The following HSD17B2 variants were observed in gnomAD, a reference collection of about 807,000 sequenced individuals.
The protein encoded by HSD17B2 is hydroxysteroid 17-beta dehydrogenase 2.
A neutral mutation model predicts 26.9 loss-of-function variants in HSD17B2; 32 were observed. That is an observed-to-expected ratio of 1.19 (90% CI 0.90 to 1.60). The LOEUF (loss-of-function observed/expected upper bound fraction) is 1.60, where lower values mean the gene tolerates loss of function less well. Among genes scored for constraint, HSD17B2 ranks in the 40% most tolerant of loss-of-function variants. The pLI is 0.00. For missense variants in HSD17B2, 613 were observed against 468.6 expected (o/e 1.31, Z -2.85); for synonymous variants, 246 against 186.7 (o/e 1.32, Z -2.59).
At chr16:82,086,623 T>C (rs1904534565) in intron 3 of HSD17B2, among the ~76,000 whole-genome samples, 1 of 152,210 alleles carries the variant, frequency 6.6e-6, no homozygotes, top group African/African-American at 2.4e-5. Flanking sequence ...TGATTTTTCG[T>C]GCCTATGCTA....
chr16:82,060,381 T>A lies in HSD17B2; in HGVS notation c.266-7789T>A, dbSNP rs8191110. Among the ~76,000 whole-genome samples, 317 of 152,244 alleles carry A rather than the reference T, an allele frequency of 2.1e-3. 2 individuals are homozygous for A. Among genetic ancestry groups the A allele is most frequent in the African/African-American group, 6.6e-3 (276 of 41,554 alleles). ...CTGGTGATGGGAATGTGTGTGTGTG[T>A]GAGAGCTCTTGATCAGTGAACCTTG... On this transcript the variant is annotated intron_variant, in intron 1 of 4. Coordinates refer to ENST00000199936, the MANE Select transcript of HSD17B2 (RefSeq NM_002153.3).
chr16:82,076,329 C>T (rs145200116), intron 3 of HSD17B2, among the ~76,000 whole-genome samples: 8 of 152,238 alleles, frequency 5.3e-5, no homozygotes, highest in South Asian at 2.1e-4. Flanking sequence ...ATCTAGAACA[C>T]GACAAGGATG....
intron 3 of HSD17B2, among the ~76,000 whole-genome samples, chr16:82,073,212 TTTATTA>T (rs937047346): frequency 2.6e-5 from 4 of 152,004 alleles, no homozygotes; most frequent in African/African-American, 7.2e-5. Flanking sequence ...ATCTCACTCT[TTTATTA>T]TTATTATTAT....
At position 82,090,875 on chromosome 16, in the gene HSD17B2, C is replaced by T. The variant is rs770142705; in HGVS notation, c.665-27C>T. 3.8e-6 allele frequency: 6 copies of T among 1,582,946 alleles called. No homozygotes were observed. The East Asian group carries it at 1.1e-4, about 30-fold the overall frequency. ...GAACAAATGAACATTTCTAACTTTG[C>T]TTCTTTTTCTCCCATTATTCCCATA... On this transcript the variant is annotated intron_variant, in intron 3 of 4. Coordinates refer to ENST00000199936, the MANE Select transcript of HSD17B2 (RefSeq NM_002153.3).
chr16:82,091,082 G>T (rs181638377), intron 4 of HSD17B2, 43 bp downstream of exon 4: 39 of 1,605,442 alleles, frequency 2.4e-5, no homozygotes, highest in Non-Finnish European at 3.2e-5. Context: ...CATCCTGGAA[G>T]GAACCCCGAA....
At chr16:82,055,185 C>G (rs948050126) in intron 1 of HSD17B2, among the ~76,000 whole-genome samples, 1 of 152,208 alleles carries the variant, frequency 6.6e-6, no homozygotes, top group Non-Finnish European at 1.5e-5. Context: ...CTTTTATTCT[C>G]TTTGATTGTT....
At chr16:82,047,130 A>G (rs1312241018) in intron 1 of HSD17B2, among the ~76,000 whole-genome samples, 1 of 152,236 alleles carries the variant, frequency 6.6e-6, no homozygotes, top group African/African-American at 2.4e-5. Context: ...AACAGCCAGG[A>G]ACTTCCTGAT....
intron 1 of HSD17B2, among the ~76,000 whole-genome samples, chr16:82,045,258 G>T (rs1913889894): frequency 6.6e-6 from 1 of 152,098 alleles, no homozygotes; most frequent in African/African-American, 2.4e-5. Context: ...CTTAAATGGG[G>T]TCAGCACTGG....
At position 82,095,681 on chromosome 16, in the gene HSD17B2, C is replaced by G. The variant is rs72547418; in HGVS notation, c.803-2394C>G. On this transcript the variant is annotated intron_variant, in intron 4 of 4. Transcript: ENST00000199936. ...AAACCTATAGGAACAACTGGAAGGT[C>G]ATTGGATAGGGAAGTGATTGGCTAA... The G allele has an allele frequency of 4.6e-5, 7 of 152,292 alleles. No individual in the cohort carries two copies. In the East Asian group the frequency reaches 1.2e-3, roughly 25 times the overall value. The allele number at this position is 152,292 out of a possible 1,614,324, so 9.4% of individuals were successfully genotyped here.
intron 3 of HSD17B2, among the ~76,000 whole-genome samples, chr16:82,078,936 C>T (rs748916091): frequency 6.6e-5 from 10 of 151,978 alleles, no homozygotes; most frequent in Non-Finnish European, 1.2e-4. Context: ...AAAAATAGAA[C>T]GAATGAATAA....
intron 3 of HSD17B2, among the ~76,000 whole-genome samples, chr16:82,087,347 C>A (rs1304548592): frequency 1.3e-5 from 2 of 152,160 alleles, no homozygotes; most frequent in Admixed American, 1.3e-4. Flanking sequence ...TGTAACTGGA[C>A]AGACAATGAA....
chr16:82,093,538 C>G (rs1231966831), intron 4 of HSD17B2: 1 of 152,202 alleles, frequency 6.6e-6, no homozygotes, highest in Admixed American at 6.5e-5. Flanking sequence ...CAAGTATGAA[C>G]AATGCAGCTA....
rs1904916134 is a variant in HSD17B2, at chr16:82,098,285, A to G, written c.1013A>G (p.Tyr338Cys). The G allele has an allele frequency of 6.2e-7, 1 of 1,614,218 alleles. No homozygotes were observed. Among genetic ancestry groups the G allele is most frequent in the East Asian group, 2.2e-5 (1 of 44,882 alleles). ...TTGGCGAAGAGCCCTTTTGCCTATT[A>G]CACGCCAGGGAAAGGCGCTTACTTG... ...AILAKSPFAY[Y>C]TPGKGAYLWI... The change falls in exon 5 of 5, where the codon TAC becomes TGC. Residue 338 changes from tyrosine (Y) to cysteine (C), a missense_variant. By Grantham distance (194) the Tyr-to-Cys change is radical. Transcript: ENST00000199936.
At chr16:82,041,206 CT>C (rs1311032568) in intron 1 of HSD17B2, among the ~76,000 whole-genome samples, 2 of 152,190 alleles carry the variant, frequency 1.3e-5, no homozygotes, top group African/African-American at 4.8e-5. Flanking sequence ...GACCATGTGC[CT>C]CTTCTCAGTC....
chr16:82,051,397 T>A (rs1051964526), intron 1 of HSD17B2, among the ~76,000 whole-genome samples: 1 of 152,120 alleles, frequency 6.6e-6, no homozygotes, highest in Non-Finnish European at 1.5e-5. Flanking sequence ...TAAAAAGGAA[T>A]GAGATAATGC....
intron 3 of HSD17B2, among the ~76,000 whole-genome samples, chr16:82,073,820 T>C (rs1914752537): frequency 6.6e-6 from 1 of 152,132 alleles, no homozygotes; most frequent in Non-Finnish European, 1.5e-5. Context: ...TAAACTACCA[T>C]TGAGGTTCTT....
chr16:82,078,297 T>C (rs560093101), intron 3 of HSD17B2, among the ~76,000 whole-genome samples: 35 of 152,266 alleles, frequency 2.3e-4, no homozygotes, highest in African/African-American at 3.6e-4. Context: ...CTCAATATCA[T>C]TGATCATCAG....
intron 1 of HSD17B2, among the ~76,000 whole-genome samples, chr16:82,064,457 T>C (rs1914524341): frequency 1.3e-5 from 2 of 152,368 alleles, no homozygotes; most frequent in Middle Eastern, 3.4e-3. Flanking sequence ...TGAATAATGC[T>C]GCTATGAACA....
intron 2 of HSD17B2, among the ~76,000 whole-genome samples, chr16:82,069,156 C>T (rs8191146): frequency 0.066 from 10,036 of 152,202 alleles, 1,117 homozygotes; most frequent in African/African-American, 0.23. Flanking sequence ...TAAGTGAGAA[C>T]GTGTGGTGTT....
Sources: gnomAD v4.1 joint callset for allele counts (sites outside exome capture counted in the v4.1 genomes callset) on GRCh38, gnomAD v4.1.1 for gene constraint, MANE v1.5 for transcripts, NCBI Gene and HGNC (gene_info 2026-07-23, HGNC 2026-07-21) for gene names.